The following ATIC variants were observed in gnomAD, a reference collection of about 807,000 sequenced individuals.
ATIC encodes bifunctional purine biosynthesis protein ATIC.
In ATIC, 64 loss-of-function variants were observed where a neutral mutation model predicts 72.5. That is an observed-to-expected ratio of 0.88 (90% CI 0.72 to 1.09). The LOEUF (loss-of-function observed/expected upper bound fraction) is 1.09, where lower values mean the gene tolerates loss of function less well. ATIC is among the 50% of genes least tolerant of loss of function. The pLI is 0.00. For missense variants in ATIC, 787 were observed against 732.4 expected, an observed-to-expected ratio of 1.07 and a Z score of -0.86; for synonymous variants, 281 against 267.1, an observed-to-expected ratio of 1.05 and a Z score of -0.51.
At chr2:215,345,283 C>T in intron 13 of ATIC, 1 of 278,764 alleles carries the variant, frequency 3.6e-6, no homozygotes, top group Non-Finnish European at 7.0e-6. Flanking sequence ...CTTATGTTGT[C>T]TTATCAAGAA....
At chr2:215,356,223 T>G in the ATIC span, among the ~76,000 whole-genome samples, 1 of 152,242 alleles carries the variant, frequency 6.6e-6, no homozygotes. Context: ...CTGATTATTC[T>G]TTTCATAATG....
chr2:215,365,124 G>A, the ATIC span: 2 of 719,512 alleles, frequency 2.8e-6, no homozygotes, highest in Non-Finnish European at 5.0e-6. Context: ...TCATCCCTAA[G>A]AGCAGTACTG....
chr2:215,335,326 T>C (rs1448983879), intron 10 of ATIC, among the ~76,000 whole-genome samples: 1 of 152,198 alleles, frequency 6.6e-6, no homozygotes, highest in Non-Finnish European at 1.5e-5. Context: ...TGATGCGATA[T>C]AATCCATCTT....
At chr2:215,333,293 G>A (rs1174316778) in intron 8 of ATIC, 57 bp from the exon 9 acceptor site, 1 of 1,451,538 alleles carries the variant, frequency 6.9e-7, no homozygotes, top group Non-Finnish European at 9.7e-7. Flanking sequence ...TGATTTAGGA[G>A]TTGACAGGTA....
At chr2:215,361,825 T>C in the ATIC span, 4 of 1,148,882 alleles carry the variant, frequency 3.5e-6, no homozygotes, top group African/African-American at 1.6e-5. Context: ...AACTATATTA[T>C]GGAATACAGT....
the ATIC span, chr2:215,363,734 A>G: frequency 6.6e-6 from 1 of 151,186 alleles, no homozygotes; most frequent in African/African-American, 2.4e-5. Flanking sequence ...CTTCGTTGAA[A>G]ACAAAGGGCT....
At chr2:215,326,211 G>A (rs1166134366) in intron 6 of ATIC, 73 bp downstream of exon 6, 2 of 1,572,278 alleles carry the variant, frequency 1.3e-6, no homozygotes, top group African/African-American at 2.7e-5. Context: ...GCAGTATTCA[G>A]TTCTTGGTAG....
chr2:215,313,675 GTTA>G (rs960581014), intron 2 of ATIC, among the ~76,000 whole-genome samples: 1 of 152,174 alleles, frequency 6.6e-6, no homozygotes, highest in African/African-American at 2.4e-5. Flanking sequence ...GTAGAGGTAG[GTTA>G]TTACCTTTTC....
intron 4 of ATIC, among the ~76,000 whole-genome samples, chr2:215,321,783 T>C (rs1307424043): frequency 6.6e-6 from 1 of 152,244 alleles, no homozygotes; most frequent in Non-Finnish European, 1.5e-5. Flanking sequence ...GAGAAATGTC[T>C]GTTGAGACCT....
intron 12 of ATIC, among the ~76,000 whole-genome samples, chr2:215,340,138 A>G (rs1027968051): frequency 6.6e-6 from 1 of 152,108 alleles, no homozygotes; most frequent in Non-Finnish European, 1.5e-5. Flanking sequence ...TTTTATATAG[A>G]CAAGTTTTTG....
At chr2:215,366,446 A>T in the ATIC span, among the ~76,000 whole-genome samples, 1 of 152,216 alleles carries the variant, frequency 6.6e-6, no homozygotes, top group Non-Finnish European at 1.5e-5. Context: ...GGAAGAGTAA[A>T]AAATGAACCC....
At chr2:215,349,025 G>A in intron 14 of ATIC, 69 bp from the exon 15 acceptor site, 1 of 1,520,548 alleles carries the variant, frequency 6.6e-7, no homozygotes. Flanking sequence ...TTCTGGCATG[G>A]TGATTTGCAC....
At position 215,313,205 on chromosome 2, in the gene ATIC, C is replaced by T. The variant is rs139459305; in HGVS notation, c.146+581C>T. Among the ~76,000 whole-genome samples, 596 of 152,276 alleles carry T rather than the reference C, an allele frequency of 3.9e-3. 5 individuals are homozygous for T. The highest frequency in any genetic ancestry group is 0.013 in the African/African-American group (541 of 41,548). On this transcript the variant is annotated intron_variant, in intron 2 of 15. Coordinates refer to ENST00000236959, the MANE Select transcript of ATIC (RefSeq NM_004044.7). Reference sequence around the variant, plus strand: ...TGATTTTAGGACACTAGTCTTAGCCCCTTCCTTAAACAGATTAACTTAGGT... The same window carrying T: ...TGATTTTAGGACACTAGTCTTAGCCTCTTCCTTAAACAGATTAACTTAGGT...
intron 4 of ATIC, among the ~76,000 whole-genome samples, chr2:215,322,309 T>C (rs1199584503): frequency 6.6e-6 from 1 of 151,816 alleles, no homozygotes; most frequent in Non-Finnish European, 1.5e-5. Context: ...GTGATGAAGA[T>C]TTTTGTGTAT....
chr2:215,358,264 CGAT>C, the ATIC span, among the ~76,000 whole-genome samples: 256 of 152,216 alleles, frequency 1.7e-3, no homozygotes, highest in Admixed American at 2.6e-3. Flanking sequence ...AACTTTAAAA[CGAT>C]GATATTTCTT....
intron 2 of ATIC, among the ~76,000 whole-genome samples, chr2:215,313,046 G>C (rs990460943): frequency 6.6e-6 from 1 of 152,144 alleles, no homozygotes; most frequent in Non-Finnish European, 1.5e-5. Context: ...GTGGTGAGCC[G>C]AGATGGCACT....
At chr2:215,334,321 G>A (rs1439481495) in intron 9 of ATIC, among the ~76,000 whole-genome samples, 1 of 150,724 alleles carries the variant, frequency 6.6e-6, no homozygotes, top group East Asian at 2.0e-4. Context: ...AGCGTCCTGA[G>A]TAGCTGGGAT....
intron 2 of ATIC, 140 bp from the exon 3 acceptor site, chr2:215,318,012 ATATAG>A: frequency 1.4e-6 from 1 of 713,980 alleles, no homozygotes. Flanking sequence ...AAGAAATAAA[ATATAG>A]TGAAATACTT....
chr2:215,351,778 A>T (rs2053132678), downstream of ATIC, among the ~76,000 whole-genome samples: 1 of 152,180 alleles, frequency 6.6e-6, no homozygotes, highest in South Asian at 2.1e-4. Context: ...ACTTGCTTTC[A>T]AAGAGGAGAG....
Sources: allele counts gnomAD v4.1 joint callset (sites outside exome capture counted in the v4.1 genomes callset), GRCh38; gene constraint gnomAD v4.1.1; transcripts MANE v1.5; gene names NCBI Gene and HGNC (gene_info 2026-07-23, HGNC 2026-07-21).